DLC1: variants seen among roughly 807,000 people sequenced by gnomAD.
DLC1 encodes DLC1 Rho GTPase activating protein.
DLC1 carries 54 observed loss-of-function variants against 140.3 expected under a neutral mutation model. The observed-to-expected ratio is 0.38, with a 90% confidence interval of 0.31 to 0.48. DLC1 has a LOEUF of 0.48. Ranked by LOEUF, DLC1 falls within the 20% of genes least tolerant of loss-of-function variation. The pLI, the probability that DLC1 is intolerant of heterozygous loss-of-function variation, is 0.96. For missense variants in DLC1, 2,536 were observed against 1,907.0 expected, an observed-to-expected ratio of 1.33 and a Z score of -6.14; for synonymous variants, 986 against 728.1, an observed-to-expected ratio of 1.35 and a Z score of -5.70.
chr8:13,278,062 T>C lies in DLC1; in HGVS notation c.1348+27207A>G, dbSNP rs1008809037. Among the ~76,000 whole-genome samples the C allele has an allele frequency of 3.9e-5, 6 of 152,244 alleles. No homozygotes were observed. The South Asian group carries it at 1.2e-3, about 32-fold the overall frequency. On this transcript the variant is annotated intron_variant, in intron 5 of 17. Coordinates refer to ENST00000276297, the MANE Select transcript of DLC1 (RefSeq NM_182643.3). Reference sequence around the variant, plus strand: ...TATTAATAACCCGTATGTCCTAAACTGTATTGTTCCCAAACTGTTAAAGCT... The same window carrying C: ...TATTAATAACCCGTATGTCCTAAACCGTATTGTTCCCAAACTGTTAAAGCT...
chr8:13,388,036 T>A (rs1836598922), intron 4 of DLC1, among the ~76,000 whole-genome samples: 2 of 152,126 alleles, frequency 1.3e-5, no homozygotes, highest in Middle Eastern at 6.8e-3. Flanking sequence ...AAACCATGCA[T>A]ACATAAATTA....
chr8:13,373,503 A>G (rs1032583034), intron 4 of DLC1, among the ~76,000 whole-genome samples: 6 of 152,174 alleles, frequency 3.9e-5, no homozygotes, highest in African/African-American at 1.4e-4. Flanking sequence ...TCAATTATAT[A>G]TGTGTCTGTT....
At chr8:13,547,157 T>A (rs1803680028) in intron 1 of DLC1, among the ~76,000 whole-genome samples, 1 of 152,120 alleles carries the variant, frequency 6.6e-6, no homozygotes, top group Non-Finnish European at 1.5e-5. Flanking sequence ...GAAGAACAGT[T>A]TAATTTATTG....
chr8:13,336,910 T>C (rs899694426), intron 4 of DLC1, among the ~76,000 whole-genome samples: 2 of 152,082 alleles, frequency 1.3e-5, no homozygotes, highest in Non-Finnish European at 2.9e-5. Context: ...TTTTTCCTAA[T>C]ATTAAGATAT....
chr8:13,529,004 G>C (rs959578688), intron 1 of DLC1, among the ~76,000 whole-genome samples: 1 of 152,128 alleles, frequency 6.6e-6, no homozygotes, highest in African/African-American at 2.4e-5. Flanking sequence ...ATGCCAAGAC[G>C]ATTATTTCCT....
At chr8:13,457,331 T>G (rs1799437815) in intron 2 of DLC1, among the ~76,000 whole-genome samples, 1 of 152,150 alleles carries the variant, frequency 6.6e-6, no homozygotes, top group African/African-American at 2.4e-5. Context: ...CATGCTATGT[T>G]ATATTATTGG....
intron 5 of DLC1, among the ~76,000 whole-genome samples, chr8:13,194,107 A>T (rs1826916979): frequency 1.3e-5 from 2 of 152,234 alleles, no homozygotes; most frequent in Non-Finnish European, 2.9e-5. Flanking sequence ...TGCATTCGCT[A>T]CCCACAGAGA....
At chr8:13,472,538 G>A (rs1470981309) in intron 2 of DLC1, among the ~76,000 whole-genome samples, 1 of 152,194 alleles carries the variant, frequency 6.6e-6, no homozygotes, top group Non-Finnish European at 1.5e-5. Context: ...GAATTGGCCT[G>A]TGTCCCCAGA....
chr8:13,369,563 C>G (rs373768972), intron 4 of DLC1, among the ~76,000 whole-genome samples: 21 of 152,240 alleles, frequency 1.4e-4, no homozygotes, highest in African/African-American at 5.1e-4. Flanking sequence ...GTAGCTCGGG[C>G]AGAAGCCCTG....
At position 13,090,280 on chromosome 8, in the gene DLC1, G is replaced by A. The variant is rs139251311; in HGVS notation, c.4046C>T (p.Ser1349Leu). 1.3e-3 allele frequency: 2,148 copies of A among 1,614,154 alleles called. 3 individuals are homozygous for A. Among genetic ancestry groups the A allele is most frequent in the Non-Finnish European group, 1.7e-3 (1,958 of 1,180,026 alleles). ...KFKGWVSYST[S>L]EQAELSYKKV... The stretch of plus-strand genomic sequence containing the variant: ...CTTATAGGACAGCTCAGCCTGCTCC[G>A]AAGTGGAGTAGCTGACCCAGCCTTT... The change falls in exon 15 of 18, where the codon TCG becomes TTG. Residue 1349 changes from serine (S) to leucine (L), a missense_variant. By Grantham distance (145) the Ser-to-Leu change is moderately radical. Coordinates refer to ENST00000276297, the MANE Select transcript of DLC1 (RefSeq NM_182643.3).
At chr8:13,389,901 A>G (rs188523416) in intron 4 of DLC1, among the ~76,000 whole-genome samples, 291 of 152,266 alleles carry the variant, frequency 1.9e-3, no homozygotes, top group Non-Finnish European at 3.2e-3. Flanking sequence ...TTATAGTTTG[A>G]TGTGTTAGGT....
At chr8:13,599,316 G>T (rs773570977) in intron 1 of DLC1, among the ~76,000 whole-genome samples, 2 of 151,878 alleles carry the variant, frequency 1.3e-5, no homozygotes, top group Admixed American at 6.6e-5. Context: ...TAAAATGCAT[G>T]TGCCATAGAA....
intron 5 of DLC1, among the ~76,000 whole-genome samples, chr8:13,171,666 G>C (rs1353629017): frequency 6.6e-6 from 1 of 152,158 alleles, no homozygotes; most frequent in East Asian, 1.9e-4. Context: ...GGGATTACAG[G>C]TGTGAACCAC....
intron 5 of DLC1, among the ~76,000 whole-genome samples, chr8:13,181,719 C>T (rs529117795): frequency 6.6e-6 from 1 of 152,254 alleles, no homozygotes; most frequent in South Asian, 2.1e-4. Context: ...GCCACATTTT[C>T]TTAATCCAGT....
intron 2 of DLC1, among the ~76,000 whole-genome samples, chr8:13,450,769 G>A (rs1385611979): frequency 2.6e-5 from 4 of 151,920 alleles, no homozygotes; most frequent in African/African-American, 9.7e-5. Context: ...GGCCAGGCGC[G>A]GTGGCTCATG....
intron 1 of DLC1, chr8:13,558,468 T>G (rs1301919621): frequency 6.6e-6 from 1 of 152,194 alleles, no homozygotes; most frequent in African/African-American, 2.4e-5. Context: ...AATTTTTTCA[T>G]TTAAAAATTT....
intron 4 of DLC1, among the ~76,000 whole-genome samples, chr8:13,337,294 T>C (rs927395409): frequency 2.6e-5 from 4 of 152,322 alleles, no homozygotes; most frequent in Admixed American, 2.6e-4. Context: ...ATATTTCTGA[T>C]TCAATTACAA....
At chr8:13,486,361 A>G (rs186983844) in intron 2 of DLC1, among the ~76,000 whole-genome samples, 1 of 152,206 alleles carries the variant, frequency 6.6e-6, no homozygotes, top group Non-Finnish European at 1.5e-5. Flanking sequence ...CCCCGCACAC[A>G]AAGTAGACAA....
At chr8:13,337,116 C>G (rs1671356) in intron 4 of DLC1, among the ~76,000 whole-genome samples, 1 of 152,036 alleles carries the variant, frequency 6.6e-6, no homozygotes, top group African/African-American at 2.4e-5. Context: ...TTAGCATAGA[C>G]GTAAATTCCA....
Sources: gnomAD v4.1 joint callset for allele counts (sites outside exome capture counted in the v4.1 genomes callset) on GRCh38, gnomAD v4.1.1 for gene constraint, MANE v1.5 for transcripts, NCBI Gene and HGNC (gene_info 2026-07-23, HGNC 2026-07-21) for gene names.